SLC6A3: variants seen among roughly 807,000 people sequenced by gnomAD.
The protein encoded by SLC6A3 is sodium-dependent dopamine transporter.
SLC6A3 carries 19 observed loss-of-function variants against 70.4 expected under a neutral mutation model. The observed-to-expected ratio is 0.27, with a 90% CI of 0.19 to 0.40. The LOEUF (loss-of-function observed/expected upper bound fraction) is 0.40. Ranked by LOEUF, SLC6A3 falls within the 10% of genes least tolerant of loss-of-function variation. The pLI is 1.00. For synonymous variants in SLC6A3, 368 were observed against 356.6 expected (o/e 1.03, Z -0.36); for missense variants, 613 against 838.5 (o/e 0.73, Z 3.32).
chr5:1,443,446 G>A (rs1186768496), intron 1 of SLC6A3, among the ~76,000 whole-genome samples: 2 of 152,182 alleles, frequency 1.3e-5, no homozygotes. Flanking sequence ...CAGGGCTGGG[G>A]CACTGGCCCA....
chr5:1,432,739 G>A (rs763972284), intron 3 of SLC6A3, 41 bp from the exon 4 acceptor site: 1 of 1,429,914 alleles, frequency 7.0e-7, no homozygotes, highest in East Asian at 2.3e-5. Flanking sequence ...CGCAGGTGGA[G>A]CACAGAGCCA....
intron 8 of SLC6A3, among the ~76,000 whole-genome samples, chr5:1,414,078 G>C (rs1008951878): frequency 4.6e-5 from 7 of 152,148 alleles, no homozygotes; most frequent in Non-Finnish European, 7.3e-5. Context: ...ACCCTGTGCT[G>C]GAGGCCCCAG....
intron 7 of SLC6A3, among the ~76,000 whole-genome samples, chr5:1,415,647 G>A (rs536774256): frequency 2.2e-4 from 33 of 152,304 alleles, no homozygotes; most frequent in African/African-American, 5.8e-4. Flanking sequence ...TTTGGGGTCC[G>A]GCACGGGGCT....
In SLC6A3 at chr5:1,420,648, C is replaced by T; in HGVS notation, c.848G>A (p.Arg283His). ...PYVVLTALLLRGVTLPGAIDG... is the reference protein window; with the variant it reads ...PYVVLTALLLHGVTLPGAIDG... ...TATGGCTCCAGGGAGGGTGACCCCA[C>T]GCAGGAGCAGGGCAGTGAGGACCAC... is the stretch of plus-strand genomic sequence containing the variant. Residue 283 changes from arginine (R) to histidine (H), a missense_variant, in exon 6 of 15, where the codon CGT (arginine) becomes CAT (histidine). Arg to His is a conservative substitution (Grantham distance 29, BLOSUM62 0). Around this residue, in one of 4 missense-constraint regions of SLC6A3, gnomAD observed 348 missense variants for 481.2 expected, o/e 0.72. Transcript: ENST00000270349. The T allele has an allele frequency of 3.1e-6, 5 of 1,613,692 alleles. No homozygotes were observed. Among genetic ancestry groups the T allele is most frequent in the Admixed American group, 1.7e-5 (1 of 60,026 alleles).
At chr5:1,415,093 A>G (rs888371251) in intron 7 of SLC6A3, among the ~76,000 whole-genome samples, 4 of 151,762 alleles carry the variant, frequency 2.6e-5, no homozygotes, top group Admixed American at 2.6e-4. Flanking sequence ...TGCTGTGGAC[A>G]CCTCACCCAG....
chr5:1,392,847 T>C lies in SLC6A3; in HGVS notation c.*1888A>G, dbSNP rs906315441. On this transcript the variant is annotated 3_prime_UTR_variant, in exon 15 of 15. Transcript: ENST00000270349. ...GCTTAGGGACCCACACGATGCTGAATAGAGATTGGTCAACAGACACGGACA... is the reference window on the plus strand; with the variant it reads ...GCTTAGGGACCCACACGATGCTGAACAGAGATTGGTCAACAGACACGGACA... 2 of 152,104 alleles carry C rather than the reference T, an allele frequency of 1.3e-5. No individual in the cohort carries two copies. The highest frequency in any genetic ancestry group is 4.8e-5 in the African/African-American group (2 of 41,300). 9.4% of individuals were successfully genotyped at this position (152,104 alleles called of 1,614,324 possible). A position where few individuals can be genotyped will look rare whatever the true frequency, so the allele number is the denominator to read the frequency against.
chr5:1,410,028 A>G (rs563419242), intron 9 of SLC6A3, among the ~76,000 whole-genome samples, 179 bp from the exon 10 acceptor site: 1 of 152,212 alleles, frequency 6.6e-6, no homozygotes, highest in Non-Finnish European at 1.5e-5. Context: ...GAGGGCTTCT[A>G]TGGCGGCACG....
At position 1,400,972 on chromosome 5, in the gene SLC6A3, G is replaced by T; in HGVS notation, c.1782C>A (p.Ala594=). Residue 594 remains alanine, a synonymous_variant, in exon 14 of 15, where the codon GCC becomes GCA. Coordinates refer to ENST00000270349, the MANE Select transcript of SLC6A3 (RefSeq NM_001044.5). Reference sequence around the variant, plus strand: ...GCTCACGGTCCTTCTCGGGTGCAATGGCGTAGGCCAGTTTCTGAAAGAGAA... The same window carrying T: ...GCTCACGGTCCTTCTCGGGTGCAATTGCGTAGGCCAGTTTCTGAAAGAGAA... The part of the protein sequence containing the change: ...PGSFREKLAY[A]IAPEKDRELV... 6.3e-7 allele frequency: 1 copy of T among 1,596,738 alleles called. No individual in the cohort carries two copies. Among genetic ancestry groups the T allele is most frequent in the African/African-American group, 1.3e-5 (1 of 74,752 alleles).
chr5:1,428,078 G>A (rs1204313149), intron 4 of SLC6A3, among the ~76,000 whole-genome samples: 1 of 152,046 alleles, frequency 6.6e-6, no homozygotes, highest in African/African-American at 2.4e-5. Flanking sequence ...ACATTCACCA[G>A]TGTAAACCAT....
chr5:1,408,191 C>T lies in SLC6A3; in HGVS notation c.1498+835G>A. On this transcript the variant is annotated intron_variant, in intron 11 of 14. Transcript: ENST00000270349. The surrounding 1 kb of genome is among the most constrained non-coding windows in gnomAD (Gnocchi z 6.4). ...AGCTGGGATTATAGCCTTGTGCCAC[C>T]ACACCCGGCTAATTTTTTTTTTTTT... is the stretch of plus-strand genomic sequence containing the variant. Among the ~76,000 whole-genome samples, 1 of 151,258 alleles carries T rather than the reference C, an allele frequency of 6.6e-6. No homozygotes were observed. Among genetic ancestry groups the T allele is most frequent in the Non-Finnish European group, 1.5e-5 (1 of 67,940 alleles).
Position 1,442,896 on chromosome 5 carries a change from C to G in SLC6A3, c.286+16G>C, listed in dbSNP as rs756544383. On this transcript the variant is annotated intron_variant, in intron 2 of 14. Transcript: ENST00000270349. This position sits in a 1 kb window ranked among gnomAD's most constrained non-coding sequence, Gnocchi z 5.0. Reference sequence around the variant, plus strand: ...CGCCCGGCCAGCATGCTCAGGGAGGCTGAGATGGGACTTACCGCCACCATT... The same window carrying G: ...CGCCCGGCCAGCATGCTCAGGGAGGGTGAGATGGGACTTACCGCCACCATT... 65 of 1,614,114 alleles carry G rather than the reference C, an allele frequency of 4.0e-5. No individual in the cohort carries two copies. The highest frequency in any genetic ancestry group is 5.4e-5 in the Non-Finnish European group (64 of 1,179,988).
chr5:1,441,333 G>A (rs200426889), intron 3 of SLC6A3, 26 bp downstream of exon 3: 160 of 1,613,918 alleles, frequency 9.9e-5, no homozygotes, highest in East Asian at 3.6e-4. Flanking sequence ...GCTGCGCCAG[G>A]GTGAAGGGAG....
intron 3 of SLC6A3, 130 bp downstream of exon 3, chr5:1,441,229 C>G (rs575815304): frequency 1.6e-5 from 17 of 1,074,422 alleles, no homozygotes; most frequent in Non-Finnish European, 2.4e-5. Context: ...GTTCAAGTGG[C>G]GTGTGCCATG....
intron 14 of SLC6A3, among the ~76,000 whole-genome samples, chr5:1,398,283 C>T (rs577211602): frequency 1.3e-5 from 2 of 150,694 alleles, no homozygotes; most frequent in East Asian, 1.9e-4. Context: ...ATTGCTTGAA[C>T]CTGGGAGGTG....
chr5:1,439,340 G>A lies in SLC6A3; in HGVS notation c.418+2019C>T, dbSNP rs561336856. Among the ~76,000 whole-genome samples the A allele has an allele frequency of 7.5e-3, 989 of 131,128 alleles. 12 individuals are homozygous for A. The highest frequency in any genetic ancestry group is 0.025 in the African/African-American group (899 of 35,926). The allele number at this position is 131,128 out of a possible 152,430, so 86.0% of individuals were successfully genotyped here. On this transcript the variant is annotated intron_variant, in intron 3 of 14. Transcript: ENST00000270349. ...GTGTGGGGTGGGGGTGGGGGTGGGG[G>A]TGGGGAGGGAGGCCTCTTTTTGTAG...
At position 1,414,812 on chromosome 5, in the gene SLC6A3, G is replaced by A. The variant is rs369288905; in HGVS notation, c.1035C>T (p.Asp345=). The A allele has an allele frequency of 1.1e-3, 1,784 of 1,612,870 alleles. 25 individuals carry two copies. In the South Asian group the frequency reaches 0.015, roughly 14 times the overall value. Residue 345 remains aspartate (D), a synonymous_variant, in exon 8 of 15, where the codon GAC becomes GAT. Coordinates refer to ENST00000270349, the MANE Select transcript of SLC6A3 (RefSeq NM_001044.5). ...YNKFTNNCYR[D]AIVTTSINSL... is the part of the protein sequence containing the mutation. Reference sequence around the variant, plus strand: ...AGTTGATGGAGGTGGTGACAATCGCGTCCCTGTAAGAACAAGACACGCCGT... The same window carrying A: ...AGTTGATGGAGGTGGTGACAATCGCATCCCTGTAAGAACAAGACACGCCGT...
In SLC6A3 at chr5:1,411,861, C is replaced by T. The variant is rs1277738252; in HGVS notation, c.1157-506G>A. ...ACCATGCAACATACACACTCAGACA[C>T]ACATACCATGCAACATACACACTCA... On this transcript the variant is annotated intron_variant, in intron 8 of 14. Coordinates refer to ENST00000270349, the MANE Select transcript of SLC6A3 (RefSeq NM_001044.5). This position sits in a 1 kb window ranked among gnomAD's most constrained non-coding sequence, Gnocchi z 6.5. 6.6e-6 allele frequency among the ~76,000 whole-genome samples: 1 copy of T among 151,612 alleles called. No individual in the cohort carries two copies. The highest frequency in any genetic ancestry group is 6.6e-5 in the Admixed American group (1 of 15,260).
At chr5:1,418,879 C>G (rs1191894015) in intron 6 of SLC6A3, among the ~76,000 whole-genome samples, 1 of 151,582 alleles carries the variant, frequency 6.6e-6, no homozygotes, top group East Asian at 1.9e-4. Context: ...TCCATCCATC[C>G]TATCTAGCTA....
At chr5:1,415,108 G>A (rs1313620400) in intron 7 of SLC6A3, among the ~76,000 whole-genome samples, 8 of 152,038 alleles carry the variant, frequency 5.3e-5, no homozygotes, top group Admixed American at 3.3e-4. Flanking sequence ...ACCCAGGGCA[G>A]ATCTTCCAGA....
Sources: allele counts gnomAD v4.1 joint callset (sites outside exome capture counted in the v4.1 genomes callset), GRCh38; gene constraint gnomAD v4.1.1; regional missense constraint gnomAD v4.1.1; non-coding constraint Gnocchi (gnomAD v3.1); transcripts MANE v1.5; gene names NCBI Gene and HGNC (gene_info 2026-07-23, HGNC 2026-07-21).